The following PDE1C variants were observed in gnomAD, a reference collection of about 807,000 sequenced individuals.
PDE1C encodes the protein phosphodiesterase 1C, also known as dual specificity calcium/calmodulin-dependent 3',5'-cyclic nucleotide phosphodiesterase 1C.
In PDE1C, 62 loss-of-function variants were observed where a neutral mutation model predicts 93.1. That is an observed-to-expected ratio of 0.67 (90% CI 0.54 to 0.82). PDE1C has a LOEUF of 0.82. Ranked by LOEUF, PDE1C falls within the 40% of genes least tolerant of loss-of-function variation. The pLI is 0.00. For synonymous variants in PDE1C, 325 were observed against 310.1 expected (o/e 1.05, Z -0.50); for missense variants, 742 against 884.6 (o/e 0.84, Z 2.04).
chr7:32,342,742 T>G (rs931490794), intron 1 of PDE1C, among the ~76,000 whole-genome samples: 3 of 152,320 alleles, frequency 2.0e-5, no homozygotes, highest in Admixed American at 2.0e-4. Flanking sequence ...TTCCCCATTC[T>G]GTAAAATGGG....
intron 2 of PDE1C, among the ~76,000 whole-genome samples, chr7:32,017,997 T>C (rs974504556): frequency 1.3e-5 from 2 of 151,910 alleles, no homozygotes; most frequent in African/African-American, 4.8e-5. Flanking sequence ...GGAGGATTGC[T>C]TGAGCCCGGG....
intron 3 of PDE1C, among the ~76,000 whole-genome samples, chr7:32,128,083 A>G (rs1039152921): frequency 6.6e-6 from 1 of 151,952 alleles, no homozygotes; most frequent in Non-Finnish European, 1.5e-5. Flanking sequence ...TTTAGAATTT[A>G]ATGTAAGAAA....
intron 3 of PDE1C, among the ~76,000 whole-genome samples, chr7:32,076,515 C>T (rs779267358): frequency 4.0e-5 from 6 of 151,810 alleles, no homozygotes; most frequent in South Asian, 2.1e-4. Context: ...TGGTGGCACA[C>T]GCCTGTAATC....
At chr7:32,170,508 A>T (rs1277450482) in intron 2 of PDE1C, among the ~76,000 whole-genome samples, 1 of 152,218 alleles carries the variant, frequency 6.6e-6, no homozygotes, top group African/African-American at 2.4e-5. Flanking sequence ...AGCGGTGTCT[A>T]CAAAAGTAGA....
At chr7:31,709,140 T>C in the PDE1C span, among the ~76,000 whole-genome samples, 1 of 152,222 alleles carries the variant, frequency 6.6e-6, no homozygotes, top group Non-Finnish European at 1.5e-5. Flanking sequence ...AGAGTACACC[T>C]GTAGCCATGT....
chr7:32,067,545 C>T (rs1373376964), intron 1 of PDE1C, among the ~76,000 whole-genome samples: 3 of 152,160 alleles, frequency 2.0e-5, no homozygotes, highest in East Asian at 1.9e-4. Flanking sequence ...CCACAGAAAT[C>T]CTCTTGCTCT....
chr7:31,911,104 A>G (rs1466408829), intron 2 of PDE1C, among the ~76,000 whole-genome samples: 3 of 152,200 alleles, frequency 2.0e-5, no homozygotes, highest in African/African-American at 7.2e-5. Context: ...AGTAAATTCC[A>G]GTGATGGTAA....
chr7:32,419,106 A>G (rs981542071), intron 1 of PDE1C, among the ~76,000 whole-genome samples: 3 of 152,178 alleles, frequency 2.0e-5, no homozygotes, highest in Admixed American at 6.5e-5. Flanking sequence ...TGGTTAAAAT[A>G]TTTTTTAAAT....
chr7:32,033,785 A>G (rs1790650007), intron 2 of PDE1C, among the ~76,000 whole-genome samples: 1 of 152,166 alleles, frequency 6.6e-6, no homozygotes, highest in Non-Finnish European at 1.5e-5. Flanking sequence ...TTATCTCCAG[A>G]AAACAAAAAC....
intron 1 of PDE1C, among the ~76,000 whole-genome samples, chr7:32,261,363 G>A (rs1336673968): frequency 6.6e-6 from 1 of 151,956 alleles, no homozygotes; most frequent in African/African-American, 2.4e-5. Context: ...AACCCCCTAT[G>A]ATTCCATCTC....
chr7:31,881,167 A>G (rs1474071710), intron 2 of PDE1C, among the ~76,000 whole-genome samples: 4 of 152,182 alleles, frequency 2.6e-5, no homozygotes, highest in African/African-American at 7.2e-5. Flanking sequence ...TTTTTGTTCT[A>G]TGTGGATGTA....
chr7:32,099,786 G>A (rs73100633), intron 3 of PDE1C, among the ~76,000 whole-genome samples: 11,097 of 152,146 alleles, frequency 0.073, 527 homozygotes, highest in East Asian at 0.14. Flanking sequence ...CCATGGGCCA[G>A]AGGCCCCTGC....
At chr7:31,652,674 C>T in the PDE1C span, 2 of 1,613,892 alleles carry the variant, frequency 1.2e-6, no homozygotes, top group Non-Finnish European at 8.5e-7. Flanking sequence ...CCAGGAGGCT[C>T]CCTGTTCAGG....
intron 2 of PDE1C, among the ~76,000 whole-genome samples, chr7:32,019,627 A>C (rs1298347847): frequency 6.6e-6 from 1 of 152,162 alleles, no homozygotes; most frequent in South Asian, 2.1e-4. Flanking sequence ...CCACTGGGAA[A>C]GAAATGATAG....
intron 1 of PDE1C, among the ~76,000 whole-genome samples, chr7:32,420,018 A>T (rs1354969846): frequency 6.9e-6 from 1 of 145,220 alleles, no homozygotes; most frequent in Non-Finnish European, 1.5e-5. Context: ...TGAGGTCAGG[A>T]GTTCAAGACC....
chr7:31,689,287 A>AC, the PDE1C span, among the ~76,000 whole-genome samples: 1 of 152,158 alleles, frequency 6.6e-6, no homozygotes, highest in Non-Finnish European at 1.5e-5. Flanking sequence ...TTATGAAAAC[A>AC]CCCCCAAATG....
At chr7:32,061,453 G>C (rs562772765) in intron 1 of PDE1C, among the ~76,000 whole-genome samples, 1 of 152,248 alleles carries the variant, frequency 6.6e-6, no homozygotes, top group Non-Finnish European at 1.5e-5. Flanking sequence ...CTCTGGAGCA[G>C]GCACAGGAGG....
chr7:32,286,119 G>C (rs1487491694), intron 1 of PDE1C, among the ~76,000 whole-genome samples: 1 of 152,192 alleles, frequency 6.6e-6, no homozygotes, highest in East Asian at 1.9e-4. Context: ...GAAACACACT[G>C]TAAGAAACAT....
chr7:32,246,500 C>T (rs1409372092), intron 1 of PDE1C, among the ~76,000 whole-genome samples: 1 of 152,188 alleles, frequency 6.6e-6, no homozygotes, highest in Non-Finnish European at 1.5e-5. Context: ...CTGGCCATGG[C>T]TGGTCAATGT....
Sources: allele counts gnomAD v4.1 joint callset (sites outside exome capture counted in the v4.1 genomes callset), GRCh38; gene constraint gnomAD v4.1.1; transcripts MANE v1.5; gene names NCBI Gene and HGNC (gene_info 2026-07-23, HGNC 2026-07-21).